BSN: variants seen among roughly 807,000 people sequenced by gnomAD.
BSN encodes bassoon presynaptic cytomatrix protein.
In BSN, 57 loss-of-function variants were observed where a neutral mutation model predicts 264.8. The ratio of observed to expected loss-of-function variants is 0.22; its 90% CI spans 0.17 to 0.27. The LOEUF (loss-of-function observed/expected upper bound fraction) is 0.27, where lower values mean the gene tolerates loss of function less well. Among genes scored for constraint, BSN ranks in the 10% least tolerant of loss-of-function variants. The probability of loss-of-function intolerance (pLI) is 1.00; values close to 1 mark genes in which losing one functional copy is unlikely to be tolerated. For missense variants in BSN, 4,615 were observed against 5,232.5 expected (o/e 0.88, Z 3.64); for synonymous variants, 2,059 against 2,137.3 (o/e 0.96, Z 1.01).
chr3:49,574,233 T>G (rs11130207), intron 1 of BSN, among the ~76,000 whole-genome samples: 125,429 of 150,924 alleles, frequency 0.83, 52,440 homozygotes, highest in East Asian at 0.99. Flanking sequence ...CTCCCAAAGT[T>G]TTGGGATTAT....
At position 49,655,684 on chromosome 3, in the gene BSN, C is replaced by T. The variant is rs202164280; in HGVS notation, c.6128C>T (p.Thr2043Met). The T allele has an allele frequency of 4.9e-5, 79 of 1,613,578 alleles. No individual in the cohort carries two copies. The highest frequency in any genetic ancestry group is 3.1e-4 in the East Asian group (14 of 44,878). ...CAGGGCTTGCAGTATGGCTCAGTCA[C>T]GGACCTGCGTCATCCTACAGACCTT... is the stretch of plus-strand genomic sequence containing the variant. ...LGQGLQYGSV[T>M]DLRHPTDLLA... The change falls in exon 5 of 12, where the codon ACG becomes ATG. Residue 2043 changes from threonine to methionine, a missense_variant. By Grantham distance (81) the Thr-to-Met change is moderately conservative. This residue lies in a region of BSN where 3,415 missense variants were observed against 3,866.4 expected (regional missense o/e 0.88). Transcript: ENST00000296452.
chr3:49,580,613 C>T (rs888220184), intron 1 of BSN, among the ~76,000 whole-genome samples: 1 of 151,604 alleles, frequency 6.6e-6, no homozygotes, highest in African/African-American at 2.4e-5. Flanking sequence ...CATGCACCAC[C>T]ATGTCTGGCT....
At chr3:49,624,555 T>G (rs963549363) in intron 1 of BSN, among the ~76,000 whole-genome samples, 15 of 152,138 alleles carry the variant, frequency 9.9e-5, no homozygotes, top group African/African-American at 3.4e-4. Context: ...TGCCTTGGCC[T>G]CCCAAAGTGC....
rs33920630 is a variant in BSN at position 49,574,132 on chromosome 3, A to ATTTTT, written c.224+19318_224+19322dup. ...ATCTGGCTAATTTTTGTATTTTTGT[A>ATTTTT]TTTTTTTTTTTTTTTTGTAGAGATG... is the stretch of plus-strand genomic sequence containing the variant. On this transcript the variant is annotated intron_variant, in intron 1 of 11. Coordinates refer to ENST00000296452, the MANE Select transcript of BSN (RefSeq NM_003458.4). Among the ~76,000 whole-genome samples the ATTTTT allele has an allele frequency of 2.8e-4, 36 of 127,974 alleles. 1 individual carries two copies. Among genetic ancestry groups the ATTTTT allele is most frequent in the African/African-American group, 8.6e-4 (29 of 33,882 alleles). The allele number at this position is 127,974 out of a possible 152,430, so 84.0% of individuals were successfully genotyped here.
Position 49,642,766 on chromosome 3 carries a change from G to T in BSN, c.1132G>T (p.Ala378Ser). 1 of 1,613,480 alleles carries T rather than the reference G, an allele frequency of 6.2e-7. No homozygotes were observed. The highest frequency in any genetic ancestry group is 8.5e-7 in the Non-Finnish European group (1 of 1,179,998). Residue 378 changes from alanine (A) to serine (S), a missense_variant, in exon 3 of 12, where the codon GCC becomes TCC. Physicochemically the swap from Ala to Ser is moderately conservative, Grantham distance 99 (BLOSUM62 1). This residue lies in a region of BSN where 1,197 missense variants were observed against 1,348.0 expected (regional missense o/e 0.89). Transcript: ENST00000296452. The surrounding 1 kb of genome is among the most constrained non-coding windows in gnomAD (Gnocchi z 7.0). ...QPEADTQGQP[A>S]PSKGTPKIVF... ...CGAGGCTGACACCCAGGGCCAGCCT[G>T]CCCCCAGCAAGGGGACACCTAAGAT... is the stretch of plus-strand genomic sequence containing the variant.
intron 1 of BSN, among the ~76,000 whole-genome samples, chr3:49,596,033 T>C (rs946023032): frequency 1.3e-5 from 2 of 152,206 alleles, no homozygotes; most frequent in African/African-American, 4.8e-5. Flanking sequence ...CATTATTATG[T>C]TGAATAACAA....
chr3:49,629,325 C>T (rs2052367606), intron 2 of BSN, among the ~76,000 whole-genome samples: 1 of 152,238 alleles, frequency 6.6e-6, no homozygotes, highest in Non-Finnish European at 1.5e-5. Flanking sequence ...CTTTCTGCAC[C>T]AGAAGGGTGG....
In BSN at chr3:49,584,384, T is replaced by G. The variant is rs138259867; in HGVS notation, c.224+29558T>G. Among the ~76,000 whole-genome samples, 726 of 152,214 alleles carry G rather than the reference T, an allele frequency of 4.8e-3. 9 individuals are homozygous for G. Among genetic ancestry groups the G allele is most frequent in the African/African-American group, 0.016 (657 of 41,576 alleles). On this transcript the variant is annotated intron_variant, in intron 1 of 11. Transcript: ENST00000296452. The stretch of plus-strand genomic sequence containing the variant: ...CTCTAATCTTTATTATTTTCTTCAT[T>G]ATATTTACATTGTGTTTAGTTTGCT...
At position 49,663,410 on chromosome 3, in the gene BSN, A is replaced by G; in HGVS notation, c.11252A>G (p.Gln3751Arg). The change falls in exon 7 of 12, where the codon CAG (glutamine) becomes CGG (arginine). Residue 3751 changes from glutamine to arginine, a missense_variant. Transcript: ENST00000296452. ...GCGCAGCCGCAGCTGCAAGGTCGGC[A>G]GGCAGCTCCAGGACCACAGCAGTCA... ...PQAQPQLQGR[Q>R]AAPGPQQSQS... 2 of 1,612,854 alleles carry G rather than the reference A, an allele frequency of 1.2e-6. No individual in the cohort carries two copies. Among genetic ancestry groups the G allele is most frequent in the Non-Finnish European group, 1.7e-6 (2 of 1,179,988 alleles).
intron 1 of BSN, among the ~76,000 whole-genome samples, chr3:49,603,123 AAGTCATGCCCCTCCACTGCT>A (rs1171255378): frequency 1.4e-5 from 2 of 146,798 alleles, no homozygotes; most frequent in African/African-American, 5.5e-5. Flanking sequence ...TGGGCCCCTC[AAGTCATGCCCCTCCACTGCT>A]GGCCCCTCAA....
In BSN at chr3:49,656,627, G is replaced by A; in HGVS notation, c.7071G>A (p.Glu2357=). Reference sequence around the variant, plus strand: ...TCAGCCGGCCAGGGTTCGAGAAAGAGGAAGCATCACAGGAGGAGAGGCAGC... The same window carrying A: ...TCAGCCGGCCAGGGTTCGAGAAAGAAGAAGCATCACAGGAGGAGAGGCAGC... ...GALSRPGFEK[E]EASQEERQRK... The change falls in exon 5 of 12, where the codon GAG becomes GAA. Residue 2357 remains glutamate, a synonymous_variant. Coordinates refer to ENST00000296452, the MANE Select transcript of BSN (RefSeq NM_003458.4). The A allele has an allele frequency of 6.2e-7, 1 of 1,609,276 alleles. No individual in the cohort carries two copies. Among genetic ancestry groups the A allele is most frequent in the East Asian group, 2.2e-5 (1 of 44,786 alleles).
intron 3 of BSN, among the ~76,000 whole-genome samples, chr3:49,647,377 G>T (rs984789012): frequency 3.3e-5 from 5 of 152,340 alleles, no homozygotes; most frequent in African/African-American, 1.2e-4. Flanking sequence ...ACTGTTAGTT[G>T]ATGATTGTCC....
intron 3 of BSN, among the ~76,000 whole-genome samples, chr3:49,644,036 C>T (rs1324788670): frequency 6.6e-6 from 1 of 152,194 alleles, no homozygotes. Context: ...TCTGCTCCTC[C>T]CTCAGTCCTG....
At chr3:49,622,410 T>G (rs2052313740) in intron 1 of BSN, among the ~76,000 whole-genome samples, 1 of 152,204 alleles carries the variant, frequency 6.6e-6, no homozygotes, top group Non-Finnish European at 1.5e-5. Flanking sequence ...CAGACTTTGC[T>G]GGGTGCAGAA....
chr3:49,664,036 A>C, intron 8 of BSN, 150 bp downstream of exon 8: 1 of 788,522 alleles, frequency 1.3e-6, no homozygotes, highest in South Asian at 1.8e-5. Flanking sequence ...CCCCAGCAGA[A>C]AACAAGCCTG....
rs1575451049 is a variant in BSN, at chr3:49,658,053, G to A, written c.8497G>A (p.Ala2833Thr). 7 of 1,613,250 alleles carry A rather than the reference G, an allele frequency of 4.3e-6. No individual in the cohort carries two copies. The East Asian group carries it at 8.9e-5, about 21-fold the overall frequency. ...SPQKHFTADSALRQQTLPRPM... is the reference protein window; with the variant it reads ...SPQKHFTADSTLRQQTLPRPM... ...CCAGAAGCACTTCACGGCTGACAGC[G>A]CTCTCCGCCAGCAGACGCTGCCTCG... Residue 2833 changes from alanine (A) to threonine (T), a missense_variant, in exon 5 of 12, where the codon GCT (alanine) becomes ACT (threonine). Ala to Thr is a moderately conservative substitution (Grantham distance 58, BLOSUM62 0). Coordinates refer to ENST00000296452, the MANE Select transcript of BSN (RefSeq NM_003458.4).
chr3:49,572,884 A>C (rs984743047), intron 1 of BSN, among the ~76,000 whole-genome samples: 5 of 152,144 alleles, frequency 3.3e-5, no homozygotes, highest in African/African-American at 1.2e-4. Flanking sequence ...GTGCAGAAGA[A>C]AGGAGGAAGG....
At chr3:49,611,626 C>T (rs2052207215) in intron 1 of BSN, among the ~76,000 whole-genome samples, 1 of 152,216 alleles carries the variant, frequency 6.6e-6, no homozygotes, top group African/African-American at 2.4e-5. Context: ...GTTAGACGTT[C>T]CCTCAGAAAG....
chr3:49,663,636 C>A lies in BSN; in HGVS notation c.11478C>A (p.Ser3826Arg). 1.2e-6 allele frequency: 2 copies of A among 1,607,936 alleles called. No individual in the cohort carries two copies. Among genetic ancestry groups the A allele is most frequent in the Non-Finnish European group, 1.7e-6 (2 of 1,176,746 alleles). ...CAGGGAAGCCTCAGCCAGGCCCCAGCACAGCCACAGGTCCTCAACCAGCAG... is the reference window on the plus strand; with the variant it reads ...CAGGGAAGCCTCAGCCAGGCCCCAGAACAGCCACAGGTCCTCAACCAGCAG... ...QPAGKPQPGP[S>R]TATGPQPAGP... Residue 3826 changes from serine (S) to arginine (R), a missense_variant, in exon 7 of 12, where the codon AGC (serine) becomes AGA (arginine). Ser to Arg is a moderately radical substitution (Grantham distance 110). This residue lies in a region of BSN where 3,415 missense variants were observed against 3,866.4 expected (regional missense o/e 0.88). Transcript: ENST00000296452.
Sources: gnomAD v4.1 joint callset for allele counts (sites outside exome capture counted in the v4.1 genomes callset) on GRCh38, gnomAD v4.1.1 for gene constraint, gnomAD v4.1.1 regional missense constraint, Gnocchi (gnomAD v3.1) non-coding constraint, MANE v1.5 for transcripts, NCBI Gene and HGNC (gene_info 2026-07-23, HGNC 2026-07-21) for gene names.